Variants in MTERF3 observed in about 807,000 individuals in gnomAD.
The protein encoded by MTERF3 is transcription termination factor 3, mitochondrial.
A neutral mutation model predicts 40.5 loss-of-function variants in MTERF3; 40 were observed. That is an observed-to-expected ratio of 0.99 (90% CI 0.77 to 1.29). The LOEUF (loss-of-function observed/expected upper bound fraction) is 1.29, where lower values mean the gene tolerates loss of function less well. MTERF3 is among the 50% of genes most tolerant of loss of function. The pLI, the probability that MTERF3 is intolerant of heterozygous loss-of-function variation, is 0.00. For synonymous variants in MTERF3, 158 were observed against 166.6 expected (o/e 0.95, Z 0.40); for missense variants, 452 against 478.2 (o/e 0.95, Z 0.51).
chr8:96,246,836 AT>A (rs71267235), intron 4 of MTERF3, among the ~76,000 whole-genome samples: 24,157 of 147,772 alleles, frequency 0.16, 2,872 homozygotes, highest in African/African-American at 0.34. Context: ...TCTGCTTAAG[AT>A]TTTTTTTTTT....
At position 96,258,443 on chromosome 8, in the gene MTERF3, G is replaced by A. The variant is rs1210435367; in HGVS notation, c.248C>T (p.Ala83Val). 2 of 1,614,118 alleles carry A rather than the reference G, an allele frequency of 1.2e-6. No individual in the cohort carries two copies. The highest frequency in any genetic ancestry group is 2.2e-5 in the East Asian group (1 of 44,876). ...CATGGAAGGAAGCAGACTGCTTTGG[G>A]CAGAATTATTCTCCTGACTACTTGA... ...TSSSSQENNSAQSSLLPSMNE... is the reference protein window; with the variant it reads ...TSSSSQENNSVQSSLLPSMNE... The change falls in exon 2 of 8, where the codon GCC (alanine) becomes GTC (valine). Residue 83 changes from alanine (A) to valine (V), a missense_variant. Transcript: ENST00000287025.
chr8:96,246,000 CATT>C (rs1810014624), intron 5 of MTERF3, 69 bp from the exon 6 acceptor site: 1 of 1,390,598 alleles, frequency 7.2e-7, no homozygotes. Context: ...AAAATTAAGG[CATT>C]ATTAAGATAC....
At chr8:96,257,205 G>T in intron 2 of MTERF3, 91 bp from the exon 3 acceptor site, 1 of 1,325,356 alleles carries the variant, frequency 7.5e-7, no homozygotes, top group Non-Finnish European at 1.0e-6. Context: ...GCTTCTTTCA[G>T]TGGTTAAATC....
At chr8:96,260,476 A>T (rs949295454) in intron 1 of MTERF3, among the ~76,000 whole-genome samples, 1 of 152,006 alleles carries the variant, frequency 6.6e-6, no homozygotes, top group African/African-American at 2.4e-5. Flanking sequence ...GTCAATAACT[A>T]TTCTTCAAAT....
At position 96,239,574 on chromosome 8, in the gene MTERF3, C is replaced by T; in HGVS notation, c.1171G>A (p.Val391Ile). Residue 391 changes from valine to isoleucine, a missense_variant, in exon 8 of 8, where the codon GTA becomes ATA. By Grantham distance (29) the Val-to-Ile change is conservative. Coordinates refer to ENST00000287025, the MANE Select transcript of MTERF3 (RefSeq NM_015942.5). ...KPNYISLDKL[V>I]SIPDEIFCEE... is the part of the protein sequence containing the mutation. Reference sequence around the variant, plus strand: ...CAAAATATTTCATCAGGAATAGATACTAGTTTGTCCAAAGAGATGTAGTTA... The same window carrying T: ...CAAAATATTTCATCAGGAATAGATATTAGTTTGTCCAAAGAGATGTAGTTA... 6.2e-7 allele frequency: 1 copy of T among 1,613,210 alleles called. No homozygotes were observed.
rs1810174133 is a variant in MTERF3 at position 96,250,989 on chromosome 8, C to T, written c.594G>A (p.Val198=). 1.2e-6 allele frequency: 2 copies of T among 1,606,956 alleles called. No homozygotes were observed. The highest frequency in any genetic ancestry group is 1.7e-5 in the Admixed American group (1 of 58,030). The part of the protein sequence containing the change: ...IKQMLLFLKD[V]GIEDNQLGAF... ...CTCCCAGTTGGTTATCCTCTATACCCACATCTTTAAGAAACAGAAGCATTT... is the reference window on the plus strand; with the variant it reads ...CTCCCAGTTGGTTATCCTCTATACCTACATCTTTAAGAAACAGAAGCATTT... The change falls in exon 4 of 8, where the codon GTG becomes GTA. Residue 198 remains valine, a synonymous_variant. Transcript: ENST00000287025.
In MTERF3 at chr8:96,239,407, T is replaced by C; in HGVS notation, c.*84A>G. On this transcript the variant is annotated 3_prime_UTR_variant, in exon 8 of 8. Coordinates refer to ENST00000287025, the MANE Select transcript of MTERF3 (RefSeq NM_015942.5). ...GTATCAAATGGTTTCCAATATCAGT[T>C]GAGACCCGAGGCATTTAAAAATATA... 1 of 1,103,434 alleles carries C rather than the reference T, an allele frequency of 9.1e-7. No individual in the cohort carries two copies. Among genetic ancestry groups the C allele is most frequent in the Admixed American group, 3.2e-5 (1 of 30,896 alleles). The allele number at this position is 1,103,434 out of a possible 1,614,324, so 68.4% of individuals were successfully genotyped here.
chr8:96,255,078 G>A (rs1039867621), intron 3 of MTERF3, among the ~76,000 whole-genome samples: 1 of 152,216 alleles, frequency 6.6e-6, no homozygotes, highest in Non-Finnish European at 1.5e-5. Context: ...CCATGGGAAG[G>A]TTTTGAAGGA....
chr8:96,245,892 C>T lies in MTERF3; in HGVS notation c.865G>A (p.Gly289Arg). 2 of 1,613,998 alleles carry T rather than the reference C, an allele frequency of 1.2e-6. No homozygotes were observed. Among genetic ancestry groups the T allele is most frequent in the Non-Finnish European group, 1.7e-6 (2 of 1,179,956 alleles). Residue 289 changes from glycine to arginine, a missense_variant, in exon 6 of 8, where the codon GGA (glycine) becomes AGA (arginine). Physicochemically the swap from Gly to Arg is moderately radical, Grantham distance 125. Coordinates refer to ENST00000287025, the MANE Select transcript of MTERF3 (RefSeq NM_015942.5). ...TTTTCTTTCACGGGTTCCAGACTTC[C>T]AGTTAGCAGCCTTGGGAGACGAACT... Reference protein sequence around the residue: ...LVVRLPRLLTGSLEPVKENMK... With the variant: ...LVVRLPRLLTRSLEPVKENMK...
intron 3 of MTERF3, among the ~76,000 whole-genome samples, chr8:96,255,639 GAAAAAAAAA>G (rs754843989): frequency 1.8e-5 from 1 of 57,082 alleles, no homozygotes; most frequent in Non-Finnish European, 3.8e-5. Context: ...CCAGTCTGAA[GAAAAAAAAA>G]AAAAAAAAAA....
rs147184999 is a variant in MTERF3 at position 96,257,020 on chromosome 8, T to C, written c.429A>G (p.Ser143=). The C allele has an allele frequency of 6.2e-7, 1 of 1,614,088 alleles. No individual in the cohort carries two copies. The highest frequency in any genetic ancestry group is 1.3e-5 in the African/African-American group (1 of 75,064). ...GATCCACATAGTCTCGAAGTGTGAA[T>C]GAAGCTGGTGGCAATGGAGGGTCTG... The part of the protein sequence containing the change: ...IIADPPLPPA[S]FTLRDYVDHS... Residue 143 remains serine, a synonymous_variant, in exon 3 of 8, where the codon TCA becomes TCG. Coordinates refer to ENST00000287025, the MANE Select transcript of MTERF3 (RefSeq NM_015942.5).
At position 96,244,030 on chromosome 8, in the gene MTERF3, G is replaced by T; in HGVS notation, c.948C>A (p.Ile316=). 6.2e-7 allele frequency: 1 copy of T among 1,613,678 alleles called. No individual in the cohort carries two copies. Among genetic ancestry groups the T allele is most frequent in the Non-Finnish European group, 8.5e-7 (1 of 1,179,652 alleles). The change falls in exon 7 of 8, where the codon ATC becomes ATA. Residue 316 remains isoleucine, a synonymous_variant. Coordinates refer to ENST00000287025, the MANE Select transcript of MTERF3 (RefSeq NM_015942.5). ...GFKHNEIQHM[I]TRIPKMLTAN... is the part of the protein sequence containing the mutation. ...CAGTTAACATCTTTGGGATTCTGGT[G>T]ATCATATGTTGAATTTCGTTATGTT... is the stretch of plus-strand genomic sequence containing the variant.
intron 1 of MTERF3, among the ~76,000 whole-genome samples, chr8:96,259,827 T>C (rs1810346215): frequency 6.6e-6 from 1 of 152,164 alleles, no homozygotes. Flanking sequence ...TGGAGATCTG[T>C]AGTTTTGGGA....
chr8:96,251,021 T>G lies in MTERF3; in HGVS notation c.562A>C (p.Ile188Leu), dbSNP rs745776762. 3 of 1,605,694 alleles carry G rather than the reference T, an allele frequency of 1.9e-6. No individual in the cohort carries two copies. In the Admixed American group the frequency reaches 5.2e-5, roughly 28 times the overall value. Residue 188 changes from isoleucine to leucine, a missense_variant, in exon 4 of 8, where the codon ATT (isoleucine) becomes CTT (leucine). Physicochemically the swap from Ile to Leu is conservative, Grantham distance 5. Coordinates refer to ENST00000287025, the MANE Select transcript of MTERF3 (RefSeq NM_015942.5). ...LLLRLDFEKD[I>L]KQMLLFLKDV... ...TTAAGAAACAGAAGCATTTGCTTAA[T>G]GTCTTTTTCAAAATCCAGTCTCAGA...
At chr8:96,255,367 G>A (rs1285912262) in intron 3 of MTERF3, among the ~76,000 whole-genome samples, 1 of 152,130 alleles carries the variant, frequency 6.6e-6, no homozygotes, top group Non-Finnish European at 1.5e-5. Context: ...GGCCGAGTGC[G>A]GTGGCTCATG....
intron 1 of MTERF3, among the ~76,000 whole-genome samples, chr8:96,259,913 A>ATTATTTTT (rs1563554054): frequency 1.3e-5 from 2 of 150,386 alleles, no homozygotes; most frequent in African/African-American, 4.9e-5. Context: ...TATTATTATT[A>ATTATTTTT]TTTTTTTTGA....
chr8:96,255,243 T>C (rs1810258138), intron 3 of MTERF3, among the ~76,000 whole-genome samples: 1 of 152,078 alleles, frequency 6.6e-6, no homozygotes, highest in Non-Finnish European at 1.5e-5. Context: ...GTAGTGACTG[T>C]AGGATGAGAG....
At chr8:96,254,040 G>A (rs981718611) in intron 3 of MTERF3, among the ~76,000 whole-genome samples, 1 of 151,982 alleles carries the variant, frequency 6.6e-6, no homozygotes, top group African/African-American at 2.4e-5. Context: ...TGTGTCTTAG[G>A]TTTTATCTTG....
Position 96,239,500 on chromosome 8 carries a change from T to C in MTERF3, c.1245A>G (p.Lys415=). The C allele has an allele frequency of 6.3e-7, 1 of 1,592,496 alleles. No individual in the cohort carries two copies. The highest frequency in any genetic ancestry group is 8.5e-7 in the Non-Finnish European group (1 of 1,174,148). The change falls in exon 8 of 8, where the codon AAA becomes AAG. Residue 415 remains lysine (K), a synonymous_variant. Coordinates refer to ENST00000287025, the MANE Select transcript of MTERF3 (RefSeq NM_015942.5). ...TAACATACATAAAAATCTAAAGCGT[T>C]TTTAAGAATTTTTCAAAGTCCTGTA... ...ASVQDFEKFL[K]TL
Sources: allele counts gnomAD v4.1 joint callset (sites outside exome capture counted in the v4.1 genomes callset), GRCh38; gene constraint gnomAD v4.1.1; transcripts MANE v1.5; gene names NCBI Gene and HGNC (gene_info 2026-07-23, HGNC 2026-07-21).